The following MOSMO variants were observed in gnomAD, a reference collection of about 807,000 sequenced individuals.
The protein encoded by MOSMO is modulator of smoothened protein.
MOSMO carries 5 observed loss-of-function variants against 18.4 expected under a neutral mutation model. That is an observed-to-expected ratio of 0.27 (90% confidence interval 0.14 to 0.57). MOSMO has a LOEUF of 0.57. Ranked by LOEUF, MOSMO falls within the 20% of genes least tolerant of loss-of-function variation. The pLI is 0.92. For synonymous variants in MOSMO, 82 were observed against 82.3 expected (o/e 1.00, Z 0.02); for missense variants, 138 against 211.8 (o/e 0.65, Z 2.16).
At chr16:22,027,532 T>A (rs1171604794) in intron 1 of MOSMO, among the ~76,000 whole-genome samples, 1 of 152,212 alleles carries the variant, frequency 6.6e-6, no homozygotes. Context: ...CACTTAATAC[T>A]ACACCCAGCA....
intron 1 of MOSMO, 102 bp from the exon 2 acceptor site, chr16:22,075,385 G>A (rs927742973): frequency 2.9e-5 from 26 of 894,290 alleles, no homozygotes; most frequent in African/African-American, 6.6e-5. Flanking sequence ...AATGACCCAC[G>A]AAGAGATAAA....
chr16:22,049,427 T>C (rs1334835840), intron 1 of MOSMO, among the ~76,000 whole-genome samples: 1 of 152,194 alleles, frequency 6.6e-6, no homozygotes, highest in East Asian at 1.9e-4. Flanking sequence ...GGCTGGTGGT[T>C]TTCATTTCTT....
rs545602515 is a variant in MOSMO at position 22,021,856 on chromosome 16, G to C, written c.106+13449G>C. ...AGAACTCAGTTCAAATTCTGGTTCT[G>C]TTGTTTACCAGCTGAGGGGCTTTGA... On this transcript the variant is annotated intron_variant, in intron 1 of 2. Transcript: ENST00000542527. Among the ~76,000 whole-genome samples, 10 of 152,172 alleles carry C rather than the reference G, an allele frequency of 6.6e-5. No individual in the cohort carries two copies. The South Asian group carries it at 1.9e-3, about 28-fold the overall frequency.
At chr16:22,031,820 T>C (rs904919069) in intron 1 of MOSMO, among the ~76,000 whole-genome samples, 4 of 152,220 alleles carry the variant, frequency 2.6e-5, no homozygotes, top group Admixed American at 6.5e-5. Context: ...CTGTGAACCA[T>C]GTACAGGTTT....
intron 1 of MOSMO, among the ~76,000 whole-genome samples, chr16:22,039,173 GT>G (rs1398956709): frequency 6.6e-6 from 1 of 152,042 alleles, no homozygotes; most frequent in Non-Finnish European, 1.5e-5. Flanking sequence ...ATAATAATCT[GT>G]TCTCAGTGAT....
the MOSMO span, chr16:22,092,635 TAAATG>T: frequency 1.3e-5 from 20 of 1,550,542 alleles, no homozygotes; most frequent in Admixed American, 2.0e-5. Flanking sequence ...GATGGAGAAA[TAAATG>T]AAGAAATACA....
intron 1 of MOSMO, among the ~76,000 whole-genome samples, chr16:22,014,923 T>C (rs998220478): frequency 1.3e-5 from 2 of 152,216 alleles, no homozygotes; most frequent in Non-Finnish European, 2.9e-5. Context: ...GTAAATTTTT[T>C]TTAAAGAGCT....
intron 1 of MOSMO, among the ~76,000 whole-genome samples, chr16:22,015,388 C>G (rs1047056899): frequency 2.6e-5 from 4 of 151,978 alleles, no homozygotes; most frequent in African/African-American, 9.7e-5. Context: ...CTATGTATTT[C>G]TTTTTTATTG....
At position 22,081,810 on chromosome 16, in the gene MOSMO, T is replaced by C. The variant is rs1168645173; in HGVS notation, c.*930T>C. On this transcript the variant is annotated 3_prime_UTR_variant, in exon 3 of 3. Transcript: ENST00000542527. ...AGAGTCTTCAGTTTACCTCATTCTT[T>C]GTAGCAGCCCTTGATTTTAACAGGT... The C allele has an allele frequency of 2.0e-5, 3 of 152,100 alleles. No homozygotes were observed. Among genetic ancestry groups the C allele is most frequent in the African/African-American group, 7.2e-5 (3 of 41,430 alleles). 9.4% of individuals were successfully genotyped at this position (152,100 alleles called of 1,614,324 possible). A position where few individuals can be genotyped will look rare whatever the true frequency, so the allele number is the denominator to read the frequency against.
chr16:22,053,191 G>C (rs1900463553), intron 1 of MOSMO, among the ~76,000 whole-genome samples: 1 of 150,766 alleles, frequency 6.6e-6, no homozygotes. Flanking sequence ...TCCAACTCCT[G>C]GCCTCAAGTG....
At chr16:22,035,175 CT>C (rs1900082985) in intron 1 of MOSMO, among the ~76,000 whole-genome samples, 1 of 151,986 alleles carries the variant, frequency 6.6e-6, no homozygotes, top group Admixed American at 6.6e-5. Flanking sequence ...AGATCTCAGT[CT>C]TTGAGTGAGC....
At chr16:22,058,587 T>G (rs958546558) in intron 1 of MOSMO, among the ~76,000 whole-genome samples, 4 of 152,126 alleles carry the variant, frequency 2.6e-5, no homozygotes, top group Admixed American at 6.5e-5. Context: ...GGAGGTAAAT[T>G]CCACTTGACT....
At position 22,083,685 on chromosome 16, in the gene MOSMO, ATTC is replaced by A. The variant is rs1214747113; in HGVS notation, c.*2810_*2812del. ...GTTTCATTGTTTTTAGAGTGTGTGCATTCTTCTCATACCTAAGAATATCACTGT... is the reference window on the plus strand; with the variant it reads ...GTTTCATTGTTTTTAGAGTGTGTGCATTCTCATACCTAAGAATATCACTGT... On this transcript the variant is annotated 3_prime_UTR_variant, in exon 3 of 3. Coordinates refer to ENST00000542527, the MANE Select transcript of MOSMO (RefSeq NM_001164579.2). 2 of 453,952 alleles carry A rather than the reference ATTC, an allele frequency of 4.4e-6. No individual in the cohort carries two copies. Among genetic ancestry groups the A allele is most frequent in the South Asian group, 3.1e-5 (2 of 63,606 alleles). 28.1% of individuals were successfully genotyped at this position (453,952 alleles called of 1,614,324 possible).
At chr16:22,036,390 T>TGCTGGGATTACAGGCATGAGCC (rs1900109978) in intron 1 of MOSMO, among the ~76,000 whole-genome samples, 1 of 152,160 alleles carries the variant, frequency 6.6e-6, no homozygotes, top group Admixed American at 6.5e-5. Flanking sequence ...CCTCCCAAAG[T>TGCTGGGATTACAGGCATGAGCC]GCTGGGATTA....
At chr16:22,024,591 TCTTGAC>T (rs1487001071) in intron 1 of MOSMO, among the ~76,000 whole-genome samples, 1 of 152,112 alleles carries the variant, frequency 6.6e-6, no homozygotes, top group Non-Finnish European at 1.5e-5. Context: ...GGTCTCGATC[TCTTGAC>T]CTTGTGATCT....
At chr16:22,064,620 A>C (rs1308467048) in intron 1 of MOSMO, among the ~76,000 whole-genome samples, 1 of 152,230 alleles carries the variant, frequency 6.6e-6, no homozygotes. Context: ...CATGTGCTTA[A>C]ATTCATACAT....
intron 1 of MOSMO, among the ~76,000 whole-genome samples, chr16:22,066,579 A>T (rs1244177718): frequency 6.6e-6 from 1 of 152,196 alleles, no homozygotes; most frequent in African/African-American, 2.4e-5. Context: ...ATGATGTGCC[A>T]CAGCACAGAG....
At position 22,074,189 on chromosome 16, in the gene MOSMO, A is replaced by G. The variant is rs563531912; in HGVS notation, c.107-1298A>G. 2.6e-5 allele frequency among the ~76,000 whole-genome samples: 4 copies of G among 152,308 alleles called. No individual in the cohort carries two copies. The East Asian group carries it at 7.7e-4, about 29-fold the overall frequency. ...TTCCCAAAATGCCACTAGGAATTTC[A>G]CCAGTTCCCTTCACAGAAGACATTT... On this transcript the variant is annotated intron_variant, in intron 1 of 2. Transcript: ENST00000542527.
downstream of MOSMO, chr16:22,085,954 A>G (rs963978363): frequency 6.6e-6 from 1 of 152,182 alleles, no homozygotes; most frequent in African/African-American, 2.4e-5. Flanking sequence ...TCACAAGACT[A>G]TAAAATTTCA....
Sources: gnomAD v4.1 joint callset for allele counts (sites outside exome capture counted in the v4.1 genomes callset) on GRCh38, gnomAD v4.1.1 for gene constraint, MANE v1.5 for transcripts, NCBI Gene and HGNC (gene_info 2026-07-23, HGNC 2026-07-21) for gene names.